The following FAF1 variants were observed in gnomAD, a reference collection of about 807,000 sequenced individuals.
FAF1 encodes the protein Fas associated factor 1, also known as FAS-associated factor 1.
Under a neutral mutation model 92.5 loss-of-function variants are expected in FAF1, and 25 were observed. The ratio of observed to expected loss-of-function variants is 0.27; its 90% CI spans 0.20 to 0.38. The LOEUF is 0.38. Among genes scored for constraint, FAF1 ranks in the 10% least tolerant of loss-of-function variants. The pLI is 1.00. For missense variants in FAF1, 636 were observed against 793.3 expected (o/e 0.80, Z 2.38); for synonymous variants, 234 against 273.2 (o/e 0.86, Z 1.42).
chr1:50,755,773 C>T lies in FAF1; in HGVS notation c.368-10998G>A, dbSNP rs191859606. Among the ~76,000 whole-genome samples, 513 of 152,322 alleles carry T rather than the reference C, an allele frequency of 3.4e-3. 3 individuals carry two copies. The highest frequency in any genetic ancestry group is 6.3e-3 in the Admixed American group (96 of 15,300). On this transcript the variant is annotated intron_variant, in intron 4 of 18. Transcript: ENST00000396153. ...CAAACCTCAATTCTTGACTTCTGTG[C>T]ACTTGCAGGCTCAACACCACATGGA...
intron 2 of FAF1, among the ~76,000 whole-genome samples, chr1:50,821,450 C>T (rs1644042551): frequency 6.6e-6 from 1 of 152,130 alleles, no homozygotes. Flanking sequence ...CTATGCCATA[C>T]CATTCTTATT....
chr1:50,679,277 A>C (rs1030920715), intron 7 of FAF1, among the ~76,000 whole-genome samples: 2 of 151,708 alleles, frequency 1.3e-5, no homozygotes, highest in African/African-American at 4.9e-5. Flanking sequence ...CTGCCTATGG[A>C]GTAACCATTC....
intron 2 of FAF1, among the ~76,000 whole-genome samples, chr1:50,853,685 T>A (rs1644369509): frequency 6.6e-6 from 1 of 152,116 alleles, no homozygotes; most frequent in Admixed American, 6.6e-5. Flanking sequence ...ATGTCAGATA[T>A]CTTTCCCTGG....
At chr1:50,606,071 T>A (rs527780115) in intron 8 of FAF1, among the ~76,000 whole-genome samples, 3 of 152,212 alleles carry the variant, frequency 2.0e-5, no homozygotes. Context: ...TGTAGCATAG[T>A]GGACTAGATT....
intron 1 of FAF1, among the ~76,000 whole-genome samples, chr1:50,875,070 C>T (rs891806795): frequency 6.6e-6 from 1 of 151,802 alleles, no homozygotes; most frequent in South Asian, 2.1e-4. Flanking sequence ...TATATTTTTA[C>T]ATTATATATG....
chr1:50,854,333 T>C (rs1158157397), intron 2 of FAF1, among the ~76,000 whole-genome samples: 4 of 152,110 alleles, frequency 2.6e-5, no homozygotes, highest in African/African-American at 9.6e-5. Context: ...TTCTTCCTTA[T>C]GTACTTACCT....
chr1:50,558,612 A>T (rs1189468941), intron 13 of FAF1, among the ~76,000 whole-genome samples: 1 of 152,242 alleles, frequency 6.6e-6, no homozygotes, highest in South Asian at 2.1e-4. Context: ...GATCTAGTGC[A>T]TGAGAAAAAT....
At chr1:50,517,361 C>T (rs1435843328) in intron 15 of FAF1, among the ~76,000 whole-genome samples, 2 of 152,156 alleles carry the variant, frequency 1.3e-5, no homozygotes, top group Non-Finnish European at 1.5e-5. Flanking sequence ...ATATAGGTCT[C>T]AGTTTCCTAA....
intron 7 of FAF1, among the ~76,000 whole-genome samples, chr1:50,683,416 A>C (rs1263096184): frequency 1.3e-5 from 2 of 151,964 alleles, no homozygotes; most frequent in East Asian, 3.9e-4. Flanking sequence ...ACTTCCAGCT[A>C]CTTGGGAGGT....
intron 6 of FAF1, among the ~76,000 whole-genome samples, chr1:50,732,331 T>C (rs1490217790): frequency 6.6e-6 from 1 of 152,136 alleles, no homozygotes; most frequent in African/African-American, 2.4e-5. Context: ...CACCTTGGCC[T>C]CCCAAAGTGC....
At chr1:50,906,336 G>A (rs1171866989) in intron 1 of FAF1, among the ~76,000 whole-genome samples, 5 of 151,990 alleles carry the variant, frequency 3.3e-5, no homozygotes, top group Non-Finnish European at 7.4e-5. Context: ...TTGTTCTTTT[G>A]GCTTACTATT....
intron 1 of FAF1, among the ~76,000 whole-genome samples, chr1:50,959,286 G>A (rs1245207924): frequency 6.6e-6 from 1 of 152,096 alleles, no homozygotes; most frequent in Non-Finnish European, 1.5e-5. Flanking sequence ...AAGGACCTCA[G>A]TACCCCATTG....
At chr1:50,784,047 A>T (rs1346709060) in intron 4 of FAF1, among the ~76,000 whole-genome samples, 1 of 152,202 alleles carries the variant, frequency 6.6e-6, no homozygotes, top group Non-Finnish European at 1.5e-5. Flanking sequence ...TCTACATAAT[A>T]AATGCCATAT....
chr1:50,445,556 A>G (rs1250668281), intron 18 of FAF1, among the ~76,000 whole-genome samples: 1 of 152,252 alleles, frequency 6.6e-6, no homozygotes, highest in Admixed American at 6.5e-5. Flanking sequence ...CTTCACTTTA[A>G]GAATGGCAAT....
rs865801109 is a variant in FAF1 at position 50,919,796 on chromosome 1, T to C, written c.45+39971A>G. 4.6e-5 allele frequency among the ~76,000 whole-genome samples: 7 copies of C among 152,318 alleles called. No individual in the cohort carries two copies. The South Asian group carries it at 1.4e-3, about 32-fold the overall frequency. On this transcript the variant is annotated intron_variant, in intron 1 of 18. Transcript: ENST00000396153. ...CCGAAGAATATTCTTATAAAGTTCT[T>C]ATACATGAAGTAGTATAAAGCAATT...
intron 18 of FAF1, among the ~76,000 whole-genome samples, chr1:50,473,999 CA>C (rs1297893163): frequency 6.6e-6 from 1 of 152,124 alleles, no homozygotes; most frequent in Non-Finnish European, 1.5e-5. Context: ...GCAGGAATAC[CA>C]GAGATGAATC....
At chr1:50,616,409 T>G (rs1652914956) in intron 8 of FAF1, among the ~76,000 whole-genome samples, 1 of 152,194 alleles carries the variant, frequency 6.6e-6, no homozygotes, top group Admixed American at 6.5e-5. Context: ...TAACACAGAA[T>G]CTGTATGTTG....
intron 6 of FAF1, among the ~76,000 whole-genome samples, chr1:50,734,402 T>C (rs2124478366): frequency 6.6e-6 from 1 of 152,334 alleles, no homozygotes; most frequent in South Asian, 2.1e-4. Flanking sequence ...TTGGTTAGAA[T>C]ACACTTCAGT....
intron 8 of FAF1, among the ~76,000 whole-genome samples, chr1:50,644,561 A>G (rs544844942): frequency 1.2e-3 from 182 of 152,244 alleles, no homozygotes; most frequent in Non-Finnish European, 2.0e-3. Context: ...GAGCCTCCCA[A>G]AACTCCAATC....
Sources: gnomAD v4.1 joint callset for allele counts (sites outside exome capture counted in the v4.1 genomes callset) on GRCh38, gnomAD v4.1.1 for gene constraint, MANE v1.5 for transcripts, NCBI Gene and HGNC (gene_info 2026-07-23, HGNC 2026-07-21) for gene names.